Variants in TMTC4 observed in about 807,000 individuals in gnomAD.
TMTC4 encodes the protein transmembrane O-mannosyltransferase targeting cadherins 4.
TMTC4 carries 65 observed loss-of-function variants against 86.0 expected under a neutral mutation model. That is an observed-to-expected ratio of 0.76 (90% CI 0.62 to 0.93). The LOEUF (loss-of-function observed/expected upper bound fraction) is 0.93. Among genes scored for constraint, TMTC4 ranks in the 40% least tolerant of loss-of-function variants. The probability of loss-of-function intolerance (pLI) is 0.00; values close to 1 mark genes in which losing one functional copy is unlikely to be tolerated. For missense variants in TMTC4, 866 were observed against 948.1 expected, an observed-to-expected ratio of 0.91 and a Z score of 1.14; for synonymous variants, 379 against 382.5, an observed-to-expected ratio of 0.99 and a Z score of 0.11.
intron 17 of TMTC4, among the ~76,000 whole-genome samples, chr13:100,610,190 T>C (rs1236397438): frequency 1.3e-5 from 2 of 152,190 alleles, no homozygotes; most frequent in Non-Finnish European, 2.9e-5. Flanking sequence ...AGCAGACACC[T>C]GCCCTGCCAT....
chr13:100,626,239 G>T, intron 12 of TMTC4, 89 bp from the exon 13 acceptor site: 1 of 1,363,738 alleles, frequency 7.3e-7, no homozygotes, highest in Non-Finnish European at 1.0e-6. Flanking sequence ...AAGACAAAAG[G>T]TAAAGCGACG....
rs1883492891 is a variant in TMTC4, at chr13:100,644,715, TG to T, written c.641-2405del. ...TATTATACAAAAAGTTGACTTGACTTGGCTATTATAGCTGAGGCACTTTAAA... is the reference window on the plus strand; with the variant it reads ...TATTATACAAAAAGTTGACTTGACTTGCTATTATAGCTGAGGCACTTTAAA... On this transcript the variant is annotated intron_variant, in intron 6 of 18. Coordinates refer to ENST00000342624, the MANE Select transcript of TMTC4 (RefSeq NM_032813.5). 3.9e-5 allele frequency among the ~76,000 whole-genome samples: 6 copies of T among 152,228 alleles called. No homozygotes were observed. In the South Asian group the frequency reaches 1.2e-3, roughly 32 times the overall value.
intron 6 of TMTC4, among the ~76,000 whole-genome samples, chr13:100,655,091 G>A (rs1000037176): frequency 9.6e-5 from 14 of 145,208 alleles, no homozygotes; most frequent in African/African-American, 3.3e-4. Flanking sequence ...GCGCAATCTC[G>A]GCTCACTGCA....
rs1882226501 is a variant in TMTC4, at chr13:100,636,517, A to G, written c.1202+15T>C. 2.5e-6 allele frequency: 4 copies of G among 1,613,902 alleles called. No homozygotes were observed. The highest frequency in any genetic ancestry group is 1.7e-6 in the Non-Finnish European group (2 of 1,179,960). On this transcript the variant is annotated intron_variant, in intron 10 of 18. Transcript: ENST00000342624. ...TCAACCAGCGTGGAACTTAAGATTC[A>G]GTGCTGCCTCTTACCTTCTCTTGTG...
In TMTC4 at chr13:100,656,438, G is replaced by C. The variant is rs750232013; in HGVS notation, c.583C>G (p.Leu195Val). Residue 195 changes from leucine (L) to valine (V), a missense_variant, in exon 6 of 19, where the codon CTG (leucine) becomes GTG (valine). Coordinates refer to ENST00000342624, the MANE Select transcript of TMTC4 (RefSeq NM_032813.5). ...GATAACAAGAAGAACAGGGCACACA[G>C]GAGGTCTGCACGGCCGACAACACCA... ...VAGVVGRADL[L>V]CALFFLLSFL... is the part of the protein sequence containing the mutation. The C allele has an allele frequency of 2.5e-6, 4 of 1,612,554 alleles. No individual in the cohort carries two copies. In the Admixed American group the frequency reaches 6.7e-5, roughly 27 times the overall value.
intron 15 of TMTC4, among the ~76,000 whole-genome samples, chr13:100,621,376 A>G (rs1227802468): frequency 6.6e-6 from 1 of 152,244 alleles, no homozygotes; most frequent in Admixed American, 6.5e-5. Flanking sequence ...AAAGTAACAG[A>G]AGAGCAATCC....
At chr13:100,607,751 T>C (rs983869414) in intron 17 of TMTC4, among the ~76,000 whole-genome samples, 15 of 152,110 alleles carry the variant, frequency 9.9e-5, no homozygotes, top group Admixed American at 7.9e-4. Flanking sequence ...TCCAAAACCA[T>C]GACCTTTCAG....
chr13:100,627,479 C>T (rs1326096029), intron 12 of TMTC4, among the ~76,000 whole-genome samples: 3 of 152,162 alleles, frequency 2.0e-5, no homozygotes, highest in Non-Finnish European at 4.4e-5. Context: ...TCCTGTCTCA[C>T]GGTGCTTGCC....
At chr13:100,626,655 CT>C (rs1880595935) in intron 12 of TMTC4, among the ~76,000 whole-genome samples, 1 of 152,048 alleles carries the variant, frequency 6.6e-6, no homozygotes, top group Non-Finnish European at 1.5e-5. Context: ...TCAAATTCCC[CT>C]CACCTACACA....
intron 17 of TMTC4, among the ~76,000 whole-genome samples, chr13:100,610,508 T>C (rs542964809): frequency 6.6e-6 from 1 of 152,340 alleles, no homozygotes; most frequent in East Asian, 1.9e-4. Flanking sequence ...CTCCTGAAGA[T>C]CTCATCGTGA....
intron 10 of TMTC4, 30 bp from the exon 11 acceptor site, chr13:100,635,225 G>A: frequency 6.6e-7 from 1 of 1,508,666 alleles, no homozygotes; most frequent in Non-Finnish European, 8.8e-7. Flanking sequence ...TAAATAAATG[G>A]CTATTTCCAG....
At chr13:100,650,831 TG>T (rs1884347660) in intron 6 of TMTC4, among the ~76,000 whole-genome samples, 1 of 152,258 alleles carries the variant, frequency 6.6e-6, no homozygotes, top group African/African-American at 2.4e-5. Flanking sequence ...GTTAGCCAAC[TG>T]CCCTATTTTA....
In TMTC4 at chr13:100,636,512, G is replaced by A. The variant is rs936910002; in HGVS notation, c.1202+20C>T. 3.1e-6 allele frequency: 5 copies of A among 1,613,690 alleles called. No homozygotes were observed. The African/African-American group carries it at 6.7e-5, about 22-fold the overall frequency. On this transcript the variant is annotated intron_variant, in intron 10 of 18. Transcript: ENST00000342624. ...CTGACTCAACCAGCGTGGAACTTAA[G>A]ATTCAGTGCTGCCTCTTACCTTCTC...
At chr13:100,646,876 T>G (rs745802585) in intron 6 of TMTC4, among the ~76,000 whole-genome samples, 1 of 152,252 alleles carries the variant, frequency 6.6e-6, no homozygotes, top group Non-Finnish European at 1.5e-5. Context: ...TATTGTTTCA[T>G]GTGGGCATTT....
chr13:100,673,059 GAATCA>G (rs769729238), intron 1 of TMTC4, among the ~76,000 whole-genome samples: 4 of 152,216 alleles, frequency 2.6e-5, no homozygotes, highest in Admixed American at 6.5e-5. Flanking sequence ...TCCTGCGACA[GAATCA>G]ACTGGCCCCT....
intron 4 of TMTC4, 24 bp from the exon 5 acceptor site, chr13:100,663,204 G>A: frequency 1.2e-6 from 2 of 1,610,320 alleles, no homozygotes. Context: ...GGGTGTTCAG[G>A]GTACACGCGC....
chr13:100,611,659 C>A (rs1018614824), intron 17 of TMTC4, among the ~76,000 whole-genome samples: 1 of 152,200 alleles, frequency 6.6e-6, no homozygotes, highest in Non-Finnish European at 1.5e-5. Flanking sequence ...CGAAGCCAAT[C>A]CCTTCTGGGG....
chr13:100,634,893 G>A lies in TMTC4; in HGVS notation c.1418C>T (p.Thr473Met), dbSNP rs140993774. ...AVVLGILFIN[T>M]LRCVLRSGEW... ...GCCGCTGCGCAGCACACATCTCAGC[G>A]TGTTGATGAATAAGATTCCCAGCAC... The change falls in exon 12 of 19, where the codon ACG (threonine) becomes ATG (methionine). Residue 473 changes from threonine (T) to methionine (M), a missense_variant. By Grantham distance (81) the Thr-to-Met change is moderately conservative (BLOSUM62 -1). Transcript: ENST00000342624. 299 of 1,614,034 alleles carry A rather than the reference G, an allele frequency of 1.9e-4. 1 individual carries two copies. Among genetic ancestry groups the A allele is most frequent in the Non-Finnish European group, 2.2e-4 (259 of 1,180,040 alleles).
intron 16 of TMTC4, 74 bp downstream of exon 16, chr13:100,614,242 C>A: frequency 9.0e-7 from 1 of 1,106,900 alleles, no homozygotes; most frequent in Non-Finnish European, 1.3e-6. Flanking sequence ...ACAATAATCT[C>A]TATTTCCTAA....
Sources: gnomAD v4.1 joint callset for allele counts (sites outside exome capture counted in the v4.1 genomes callset) on GRCh38, gnomAD v4.1.1 for gene constraint, MANE v1.5 for transcripts, NCBI Gene and HGNC (gene_info 2026-07-23, HGNC 2026-07-21) for gene names.